Variants in VPS41 observed in about 807,000 individuals in gnomAD.
The protein encoded by VPS41 is vacuolar protein sorting-associated protein 41 homolog.
VPS41 carries 85 observed loss-of-function variants against 130.9 expected under a neutral mutation model. The observed-to-expected ratio is 0.65, with a 90% CI of 0.55 to 0.78. The LOEUF (loss-of-function observed/expected upper bound fraction) is 0.78, where lower values mean the gene tolerates loss of function less well. Among genes scored for constraint, VPS41 ranks in the 30% least tolerant of loss-of-function variants. The probability of loss-of-function intolerance (pLI) is 0.00; values close to 1 mark genes in which losing one functional copy is unlikely to be tolerated. For synonymous variants in VPS41, 335 were observed against 332.9 expected (o/e 1.01, Z -0.07); for missense variants, 874 against 1,018.7 (o/e 0.86, Z 1.93).
In VPS41 at chr7:38,830,051, T is replaced by C. The variant is rs1220076681; in HGVS notation, c.321+203A>G. Among the ~76,000 whole-genome samples, 1 of 152,254 alleles carries C rather than the reference T, an allele frequency of 6.6e-6. No individual in the cohort carries two copies. On this transcript the variant is annotated intron_variant, in intron 5 of 28. Coordinates refer to ENST00000310301, the MANE Select transcript of VPS41 (RefSeq NM_014396.4). ...AATCAGCTTAATACTAGTTACATTA[T>C]TGACATTCTTGTAATTACTTTTCCT...
intron 25 of VPS41, among the ~76,000 whole-genome samples, chr7:38,729,575 C>A (rs765231935): frequency 1.8e-4 from 27 of 152,172 alleles, no homozygotes; most frequent in Non-Finnish European, 3.8e-4. Context: ...ACACATTTTT[C>A]TTATTCCCCT....
intron 17 of VPS41, among the ~76,000 whole-genome samples, chr7:38,761,404 T>C (rs1783916186): frequency 6.6e-6 from 1 of 151,036 alleles, no homozygotes; most frequent in African/African-American, 2.4e-5. Flanking sequence ...GCCTCCCAAA[T>C]AGCTGGGACT....
At chr7:38,865,141 T>C in intron 3 of VPS41, among the ~76,000 whole-genome samples, 1 of 152,298 alleles carries the variant, frequency 6.6e-6, no homozygotes, top group East Asian at 1.9e-4. Context: ...CAATTACACA[T>C]GAGGAAATAA....
chr7:38,747,708 T>C (rs906726444), intron 22 of VPS41, among the ~76,000 whole-genome samples: 6 of 152,236 alleles, frequency 3.9e-5, no homozygotes, highest in Non-Finnish European at 8.8e-5. Context: ...TGATTAAAAT[T>C]AAATTAAATT....
chr7:38,804,303 A>AT (rs1310531539), intron 7 of VPS41, among the ~76,000 whole-genome samples: 1 of 152,248 alleles, frequency 6.6e-6, no homozygotes, highest in African/African-American at 2.4e-5. Context: ...ACTATCCATT[A>AT]GTTATTTTTT....
chr7:38,812,428 A>G (rs1163290158), intron 7 of VPS41, among the ~76,000 whole-genome samples: 1 of 152,178 alleles, frequency 6.6e-6, no homozygotes, highest in African/African-American at 2.4e-5. Flanking sequence ...AGTAAAAAAT[A>G]CAAAAGTCTT....
At chr7:38,805,858 C>A (rs1784830597) in intron 7 of VPS41, among the ~76,000 whole-genome samples, 1 of 152,132 alleles carries the variant, frequency 6.6e-6, no homozygotes, top group South Asian at 2.1e-4. Flanking sequence ...ATAATTATTC[C>A]AGATTTGGCC....
chr7:38,858,515 T>C (rs1013614713), intron 4 of VPS41, among the ~76,000 whole-genome samples: 1 of 152,210 alleles, frequency 6.6e-6, no homozygotes, highest in Non-Finnish European at 1.5e-5. Flanking sequence ...TTCAGTAGAC[T>C]GAGGAGCTTA....
chr7:38,832,973 C>T (rs1483610936), intron 4 of VPS41, among the ~76,000 whole-genome samples: 1 of 152,156 alleles, frequency 6.6e-6, no homozygotes, highest in Admixed American at 6.5e-5. Context: ...AAACCAAGAT[C>T]CCAATATTCC....
At chr7:38,758,983 T>C (rs1479369688) in intron 17 of VPS41, among the ~76,000 whole-genome samples, 2 of 152,226 alleles carry the variant, frequency 1.3e-5, no homozygotes, top group African/African-American at 2.4e-5. Context: ...TCTAATCCAT[T>C]TGGCTGTTCA....
chr7:38,841,770 ATTG>A (rs1187027200), intron 4 of VPS41, among the ~76,000 whole-genome samples: 1 of 152,088 alleles, frequency 6.6e-6, no homozygotes, highest in Non-Finnish European at 1.5e-5. Context: ...CACCCAGCTA[ATTG>A]TTGTATTTTT....
intron 25 of VPS41, among the ~76,000 whole-genome samples, chr7:38,740,509 C>G (rs963245744): frequency 3.3e-5 from 5 of 152,176 alleles, no homozygotes; most frequent in Non-Finnish European, 5.9e-5. Flanking sequence ...TCTTGACTTT[C>G]TCATTCTCCT....
chr7:38,866,766 C>T (rs1488427802), intron 3 of VPS41, among the ~76,000 whole-genome samples: 1 of 151,880 alleles, frequency 6.6e-6, no homozygotes, highest in African/African-American at 2.4e-5. Context: ...CTAGGAAAGC[C>T]AACACGTAAA....
At chr7:38,865,488 G>T (rs1457296987) in intron 3 of VPS41, among the ~76,000 whole-genome samples, 1 of 151,698 alleles carries the variant, frequency 6.6e-6, no homozygotes, top group Admixed American at 6.6e-5. Context: ...TGACTTAAAA[G>T]GGTTATGGTA....
chr7:38,803,820 G>A (rs1218228043), intron 7 of VPS41, among the ~76,000 whole-genome samples: 2 of 152,190 alleles, frequency 1.3e-5, no homozygotes, highest in Non-Finnish European at 2.9e-5. Flanking sequence ...ATATGGAGCA[G>A]GTAAGTGTCT....
chr7:38,872,112 G>C (rs867140044), intron 2 of VPS41, among the ~76,000 whole-genome samples: 2 of 152,156 alleles, frequency 1.3e-5, no homozygotes, highest in South Asian at 4.1e-4. Flanking sequence ...ACTATCAGAA[G>C]GCCTGACTGG....
intron 7 of VPS41, among the ~76,000 whole-genome samples, chr7:38,799,818 C>T (rs1054368541): frequency 1.4e-4 from 22 of 152,024 alleles, no homozygotes; most frequent in Non-Finnish European, 5.9e-5. Context: ...AAAATCAACA[C>T]TCAAAACAAT....
At chr7:38,855,661 A>G (rs1359770421) in intron 4 of VPS41, among the ~76,000 whole-genome samples, 1 of 152,186 alleles carries the variant, frequency 6.6e-6, no homozygotes, top group Non-Finnish European at 1.5e-5. Context: ...AGTAGTGGGC[A>G]TGGAATACAT....
At chr7:38,839,774 T>G (rs922455410) in intron 4 of VPS41, among the ~76,000 whole-genome samples, 1 of 152,318 alleles carries the variant, frequency 6.6e-6, no homozygotes, top group East Asian at 1.9e-4. Context: ...TCTTTAACTA[T>G]AAACTCTCCA....
Sources: gnomAD v4.1 joint callset for allele counts (sites outside exome capture counted in the v4.1 genomes callset) on GRCh38, gnomAD v4.1.1 for gene constraint, MANE v1.5 for transcripts, NCBI Gene and HGNC (gene_info 2026-07-23, HGNC 2026-07-21) for gene names.